The following XIRP2 variants were observed in gnomAD, a reference collection of about 807,000 sequenced individuals.
The protein encoded by XIRP2 is xin actin binding repeat containing 2.
In XIRP2, 236 loss-of-function variants were observed where a neutral mutation model predicts 277.0. The observed-to-expected ratio is 0.85, with a 90% CI of 0.77 to 0.95. The LOEUF (loss-of-function observed/expected upper bound fraction) is 0.95, where lower values mean the gene tolerates loss of function less well. Among genes scored for constraint, XIRP2 ranks in the 40% least tolerant of loss-of-function variants. The pLI is 0.00. For missense variants in XIRP2, 4,640 were observed against 4,157.5 expected (o/e 1.12, Z -3.19); for synonymous variants, 1,490 against 1,416.5 (o/e 1.05, Z -1.17).
At chr2:167,204,325 T>G (rs1373556407) in intron 3 of XIRP2, among the ~76,000 whole-genome samples, 1 of 152,198 alleles carries the variant, frequency 6.6e-6, no homozygotes, top group Non-Finnish European at 1.5e-5. Flanking sequence ...TATGAGTCAG[T>G]TCATAACAGA....
chr2:166,909,214 G>T (rs544553038), intron 2 of XIRP2, among the ~76,000 whole-genome samples: 1 of 151,948 alleles, frequency 6.6e-6, no homozygotes, highest in Non-Finnish European at 1.5e-5. Context: ...GGGCAGTATG[G>T]GATTTTCATG....
intron 2 of XIRP2, among the ~76,000 whole-genome samples, chr2:167,118,061 GT>G (rs1240782681): frequency 2.6e-5 from 4 of 152,204 alleles, no homozygotes; most frequent in East Asian, 1.9e-4. Flanking sequence ...AAGTTTCTAT[GT>G]TTTTTCCCCC....
intron 3 of XIRP2, among the ~76,000 whole-genome samples, chr2:167,161,033 G>A (rs985966465): frequency 6.6e-6 from 1 of 152,132 alleles, no homozygotes; most frequent in Non-Finnish European, 1.5e-5. Flanking sequence ...ATCCAGCAGG[G>A]CAGTCAAGTC....
chr2:167,175,900 C>T lies in XIRP2; in HGVS notation c.563-34835C>T, dbSNP rs553712822. Among the ~76,000 whole-genome samples the T allele has an allele frequency of 5.0e-3, 768 of 152,238 alleles. 1 individual carries two copies. Among genetic ancestry groups the T allele is most frequent in the Non-Finnish European group, 8.6e-3 (584 of 68,010 alleles). On this transcript the variant is annotated intron_variant, in intron 3 of 10. Transcript: ENST00000409195. Reference sequence around the variant, plus strand: ...AGCTTTGCCTAGCTGTGGTACCCAGCGGCTTTGTTTACCCTGTGAGGGAAA... The same window carrying T: ...AGCTTTGCCTAGCTGTGGTACCCAGTGGCTTTGTTTACCCTGTGAGGGAAA...
At chr2:167,030,134 A>T (rs868692397) in intron 2 of XIRP2, among the ~76,000 whole-genome samples, 1 of 151,952 alleles carries the variant, frequency 6.6e-6, no homozygotes, top group Non-Finnish European at 1.5e-5. Flanking sequence ...CTAGCAGTCT[A>T]TCTATTTTGT....
intron 3 of XIRP2, among the ~76,000 whole-genome samples, chr2:167,176,877 A>G (rs2105353670): frequency 6.6e-6 from 1 of 152,248 alleles, no homozygotes; most frequent in Middle Eastern, 3.4e-3. Flanking sequence ...ACTTCCAGAG[A>G]ACCCAGTCAC....
intron 3 of XIRP2, among the ~76,000 whole-genome samples, chr2:167,148,450 G>T (rs538063544): frequency 7.5e-4 from 84 of 112,328 alleles, no homozygotes; most frequent in African/African-American, 2.7e-3. Flanking sequence ...AAAGAAAAAA[G>T]AAAGCAAGCA....
chr2:167,165,976 A>G (rs1313186632), intron 3 of XIRP2, among the ~76,000 whole-genome samples: 1 of 152,136 alleles, frequency 6.6e-6, no homozygotes, highest in African/African-American at 2.4e-5. Flanking sequence ...TGCACTTTAC[A>G]TTTAGGTCCG....
intron 2 of XIRP2, among the ~76,000 whole-genome samples, chr2:166,932,480 G>T (rs1685369309): frequency 6.6e-6 from 1 of 152,006 alleles, no homozygotes; most frequent in African/African-American, 2.4e-5. Flanking sequence ...GAACGAAAGT[G>T]CTTGGATTAC....
In XIRP2 at chr2:167,250,428, AAC is replaced by A. The variant is rs757952544; in HGVS notation, c.9040_9041del (p.His3014TyrfsTer2). ...NNLEKVKEEI[T>X]HIKTQAEDML... is the part of the protein sequence containing the mutation. ...ATTTAGAAAAAGTAAAAGAAGAAAT[AAC>A]ACATATTAAAACTCAAGCGGAAGAT... On this transcript the variant is annotated frameshift_variant, in exon 9 of 11. Coordinates refer to ENST00000409195, the MANE Select transcript of XIRP2 (RefSeq NM_152381.6). LOFTEE classifies it high-confidence loss of function. 1.5e-4 allele frequency: 250 copies of A among 1,613,350 alleles called. No homozygotes were observed. Among genetic ancestry groups the A allele is most frequent in the Non-Finnish European group, 2.0e-4 (234 of 1,179,652 alleles).
intron 3 of XIRP2, among the ~76,000 whole-genome samples, chr2:167,181,618 T>A (rs985006810): frequency 1.3e-5 from 2 of 152,184 alleles, no homozygotes; most frequent in African/African-American, 4.8e-5. Flanking sequence ...AGCTTCCTTA[T>A]TATACCTTAC....
chr2:167,108,723 T>TA (rs1690670885), intron 2 of XIRP2, among the ~76,000 whole-genome samples: 1 of 152,084 alleles, frequency 6.6e-6, no homozygotes, highest in South Asian at 2.1e-4. Flanking sequence ...ACACTATACT[T>TA]ACATTTGAGT....
At chr2:167,035,260 A>G (rs1246300852) in intron 2 of XIRP2, among the ~76,000 whole-genome samples, 1 of 152,198 alleles carries the variant, frequency 6.6e-6, no homozygotes, top group East Asian at 1.9e-4. Context: ...CAGAAGTTGG[A>G]ACATTTTGGA....
In XIRP2 at chr2:167,249,395, A is replaced by C; in HGVS notation, c.8003A>C (p.Gln2668Pro). The change falls in exon 9 of 11, where the codon CAA (glutamine) becomes CCA (proline). Residue 2668 changes from glutamine (Q) to proline (P), a missense_variant. Gln to Pro is a moderately conservative substitution (Grantham distance 76). Coordinates refer to ENST00000409195, the MANE Select transcript of XIRP2 (RefSeq NM_152381.6). ...EVLQSSRDIMQSKSACEIKQS... is the reference protein window; with the variant it reads ...EVLQSSRDIMPSKSACEIKQS... ...TTACAAAGCTCAAGGGACATTATGC[A>C]ATCCAAATCAGCTTGCGAAATTAAA... 1 of 1,613,798 alleles carries C rather than the reference A, an allele frequency of 6.2e-7. No individual in the cohort carries two copies.
chr2:167,095,860 T>C (rs1252651648), intron 2 of XIRP2, among the ~76,000 whole-genome samples: 1 of 56,064 alleles, frequency 1.8e-5, no homozygotes, highest in Non-Finnish European at 2.9e-5. Context: ...TCTTTTTTTT[T>C]TTTTTTTTTT....
At chr2:167,170,087 G>T (rs1277256150) in intron 3 of XIRP2, among the ~76,000 whole-genome samples, 3 of 152,092 alleles carry the variant, frequency 2.0e-5, no homozygotes, top group African/African-American at 7.2e-5. Flanking sequence ...TTTGTTGAGA[G>T]TTTTAATCAT....
At chr2:167,190,132 C>G (rs76498631) in intron 3 of XIRP2, among the ~76,000 whole-genome samples, 3 of 152,208 alleles carry the variant, frequency 2.0e-5, no homozygotes, top group Admixed American at 6.5e-5. Context: ...TTTCTTCTAA[C>G]GAGCTATCCC....
At chr2:167,226,167 A>C (rs1215610304) in intron 5 of XIRP2, among the ~76,000 whole-genome samples, 1 of 152,212 alleles carries the variant, frequency 6.6e-6, no homozygotes, top group African/African-American at 2.4e-5. Flanking sequence ...CGCAGATCCC[A>C]CTGGGGGTTT....
At chr2:167,099,043 A>C (rs1690413382) in intron 2 of XIRP2, among the ~76,000 whole-genome samples, 1 of 152,154 alleles carries the variant, frequency 6.6e-6, no homozygotes, top group Non-Finnish European at 1.5e-5. Flanking sequence ...ATGCTGGGAG[A>C]TCTGCTGCTC....
Sources: gnomAD v4.1 joint callset for allele counts (sites outside exome capture counted in the v4.1 genomes callset) on GRCh38, gnomAD v4.1.1 for gene constraint, MANE v1.5 for transcripts, NCBI Gene and HGNC (gene_info 2026-07-23, HGNC 2026-07-21) for gene names.